The following TAMM41 variants were observed in gnomAD, a reference collection of about 807,000 sequenced individuals.
TAMM41 encodes TAM41 mitochondrial translocator assembly and maintenance homolog.
TAMM41 carries 36 observed loss-of-function variants against 44.1 expected under a neutral mutation model. That is an observed-to-expected ratio of 0.82 (90% confidence interval 0.63 to 1.08). The LOEUF (loss-of-function observed/expected upper bound fraction) is 1.08, where lower values mean the gene tolerates loss of function less well. TAMM41 is among the 50% of genes least tolerant of loss of function. The pLI, the probability that TAMM41 is intolerant of heterozygous loss-of-function variation, is 0.00. For synonymous variants in TAMM41, 164 were observed against 153.1 expected (o/e 1.07, Z -0.53); for missense variants, 417 against 404.3 (o/e 1.03, Z -0.27).
chr3:11,833,702 A>G (rs1364175341), intron 3 of TAMM41, among the ~76,000 whole-genome samples: 1 of 152,196 alleles, frequency 6.6e-6, no homozygotes, highest in Non-Finnish European at 1.5e-5. Context: ...CAATCTGTGC[A>G]TTTCAAACGC....
the TAMM41 span, among the ~76,000 whole-genome samples, chr3:11,727,742 G>A: frequency 6.6e-6 from 1 of 151,432 alleles, no homozygotes; most frequent in East Asian, 1.9e-4. Context: ...CTGGATTACA[G>A]ACATAAGCCA....
At chr3:11,786,140 T>C (rs1291379081), downstream of TAMM41, among the ~76,000 whole-genome samples, 2 of 152,070 alleles carry the variant, frequency 1.3e-5, no homozygotes, top group African/African-American at 4.8e-5. Flanking sequence ...ACAGGGCTGT[T>C]AGCAGCTTCC....
At chr3:11,733,000 G>GTT in the TAMM41 span, among the ~76,000 whole-genome samples, 140 of 85,572 alleles carry the variant, frequency 1.6e-3, 6 homozygotes, top group Middle Eastern at 7.1e-3. Context: ...TTTTTTTTTT[G>GTT]TTTGTTTGTT....
chr3:11,726,800 CAAAAAAAA>C, the TAMM41 span, among the ~76,000 whole-genome samples: 6 of 93,098 alleles, frequency 6.4e-5, no homozygotes, highest in South Asian at 3.5e-4. Flanking sequence ...GACTCTGTCT[CAAAAAAAA>C]AAAAAAAAAA....
At chr3:11,757,640 T>A in the TAMM41 span, among the ~76,000 whole-genome samples, 2 of 152,206 alleles carry the variant, frequency 1.3e-5, no homozygotes, top group Non-Finnish European at 2.9e-5. Flanking sequence ...CAGGCCCCAA[T>A]GGGCCTGATG....
the TAMM41 span, among the ~76,000 whole-genome samples, chr3:11,778,741 T>G: frequency 2.0e-5 from 3 of 152,186 alleles, no homozygotes; most frequent in Admixed American, 1.3e-4. Context: ...ATTTCCCTGA[T>G]GATGAGTGAT....
chr3:11,755,609 C>T, the TAMM41 span, among the ~76,000 whole-genome samples: 13 of 152,154 alleles, frequency 8.5e-5, no homozygotes, highest in Non-Finnish European at 1.2e-4. Context: ...CCAGCTTGAA[C>T]CTAAAAAGAA....
At chr3:11,819,141 A>G (rs114692464) in intron 4 of TAMM41, among the ~76,000 whole-genome samples, 2,062 of 152,326 alleles carry the variant, frequency 0.014, 31 homozygotes, top group Admixed American at 0.028. Context: ...TTGACTGCAT[A>G]AACTGCTAAA....
At chr3:11,835,670 A>G (rs1045481896) in intron 3 of TAMM41, among the ~76,000 whole-genome samples, 6 of 152,222 alleles carry the variant, frequency 3.9e-5, no homozygotes, top group African/African-American at 1.4e-4. Context: ...AGCATAAAGT[A>G]TAATACAAAG....
intron 6 of TAMM41, chr3:11,809,077 G>A (rs9815431): frequency 0.014 from 3,105 of 225,202 alleles, 95 homozygotes; most frequent in African/African-American, 0.07. Flanking sequence ...GCTGTGGAAC[G>A]TGGGCCATGT....
the TAMM41 span, among the ~76,000 whole-genome samples, chr3:11,739,459 G>A: frequency 6.6e-6 from 1 of 152,254 alleles, no homozygotes; most frequent in Admixed American, 6.5e-5. Context: ...CCTCCTTACA[G>A]TGAGTGGGCA....
At chr3:11,740,696 G>T in the TAMM41 span, among the ~76,000 whole-genome samples, 8 of 151,866 alleles carry the variant, frequency 5.3e-5, no homozygotes, top group African/African-American at 1.7e-4. Flanking sequence ...CTCCCGAGTA[G>T]CTGGGATTAG....
At chr3:11,749,161 C>T in the TAMM41 span, among the ~76,000 whole-genome samples, 564 of 152,254 alleles carry the variant, frequency 3.7e-3, 5 homozygotes, top group South Asian at 0.012. Context: ...GATCTGCCCA[C>T]CTTGGCCTAC....
chr3:11,772,059 GTTTTTCTTTTTCTT>G, the TAMM41 span, among the ~76,000 whole-genome samples: 2 of 150,524 alleles, frequency 1.3e-5, no homozygotes, highest in Non-Finnish European at 3.0e-5. Context: ...TCCAGTGTCT[GTTTTTCTTTTTCTT>G]TTTTTCTTTT....
At chr3:11,807,469 AG>A (rs2077948399) in intron 7 of TAMM41, 1 of 1,536,208 alleles carries the variant, frequency 6.5e-7, no homozygotes, top group Middle Eastern at 1.7e-4. Context: ...AGATGGAAGC[AG>A]TTGTCTCAGA....
chr3:11,732,206 T>A, the TAMM41 span, among the ~76,000 whole-genome samples: 1 of 152,032 alleles, frequency 6.6e-6, no homozygotes, highest in African/African-American at 2.4e-5. Flanking sequence ...TGTCTCCCTT[T>A]CTTCCTTCCT....
At chr3:11,782,860 T>C in the TAMM41 span, among the ~76,000 whole-genome samples, 1 of 152,238 alleles carries the variant, frequency 6.6e-6, no homozygotes, top group Non-Finnish European at 1.5e-5. Flanking sequence ...GCATCTTCCC[T>C]TAGTTTAATG....
chr3:11,730,606 C>T, the TAMM41 span, among the ~76,000 whole-genome samples: 3 of 150,328 alleles, frequency 2.0e-5, no homozygotes, highest in Non-Finnish European at 4.4e-5. Flanking sequence ...TGGCGGTGGG[C>T]GCCTGTAATC....
chr3:11,792,033 T>C (rs1017492023), intron 7 of TAMM41, among the ~76,000 whole-genome samples: 2 of 152,208 alleles, frequency 1.3e-5, no homozygotes, highest in Admixed American at 6.5e-5. Context: ...AAGGTTCATA[T>C]AGCAACCCCA....
Sources: gnomAD v4.1 joint callset for allele counts (sites outside exome capture counted in the v4.1 genomes callset) on GRCh38, gnomAD v4.1.1 for gene constraint, MANE v1.5 for transcripts, NCBI Gene and HGNC (gene_info 2026-07-23, HGNC 2026-07-21) for gene names.